QRSL1: variants seen among roughly 807,000 people sequenced by gnomAD.
QRSL1 encodes glutaminyl-tRNA amidotransferase subunit QRSL1, also known as glutamyl-tRNA(Gln) amidotransferase subunit A, mitochondrial.
QRSL1 carries 54 observed loss-of-function variants against 61.6 expected under a neutral mutation model. That is an observed-to-expected ratio of 0.88 (90% CI 0.70 to 1.10). The LOEUF is 1.10. Among genes scored for constraint, QRSL1 ranks in the 50% least tolerant of loss-of-function variants. QRSL1 has a pLI of 0.00. For synonymous variants in QRSL1, 228 were observed against 225.7 expected, an observed-to-expected ratio of 1.01 and a Z score of -0.09; for missense variants, 505 against 622.6, an observed-to-expected ratio of 0.81 and a Z score of 2.01.
chr6:106,649,157 C>T lies in QRSL1; in HGVS notation c.513C>T (p.Ser171=), dbSNP rs1475938777. 2.5e-6 allele frequency: 4 copies of T among 1,614,044 alleles called. No individual in the cohort carries two copies. The African/African-American group carries it at 5.3e-5, about 22-fold the overall frequency. Residue 171 remains serine (S), a synonymous_variant, in exon 5 of 11, where the codon AGC becomes AGT. Coordinates refer to ENST00000369046, the MANE Select transcript of QRSL1 (RefSeq NM_018292.5). ...CAGACTGGCTGATAACTGGAGGAAG[C>T]TCAGGTGGGAGTGCAGCTGCTGTAT... ...EDSDWLITGG[S]SGGSAAAVSA...
chr6:106,665,848 T>C lies in QRSL1; in HGVS notation c.1433T>C (p.Ile478Thr). The C allele has an allele frequency of 1.2e-6, 2 of 1,613,986 alleles. No individual in the cohort carries two copies. The highest frequency in any genetic ancestry group is 1.7e-6 in the Non-Finnish European group (2 of 1,179,864). Residue 478 changes from isoleucine to threonine, a missense_variant, in exon 11 of 11, where the codon ATT (isoleucine) becomes ACT (threonine). Coordinates refer to ENST00000369046, the MANE Select transcript of QRSL1 (RefSeq NM_018292.5). ...GGGTTGCCAATAGGACTGCAGTTTA[T>C]TGGACGTGCGTTTTGTGACCAGCAG... ...NQGLPIGLQF[I>T]GRAFCDQQLL...
At chr6:106,654,694 C>G (rs1169064334) in intron 7 of QRSL1, 36 bp from the exon 8 acceptor site, 2 of 1,541,748 alleles carry the variant, frequency 1.3e-6, no homozygotes, top group Admixed American at 1.9e-5. Context: ...ATAATCTATA[C>G]AGTTCCAATT....
intron 1 of QRSL1, 54 bp from the exon 2 acceptor site, chr6:106,640,295 C>CAA: frequency 7.7e-7 from 1 of 1,295,572 alleles, no homozygotes; most frequent in Non-Finnish European, 1.1e-6. Flanking sequence ...ACCAATATAA[C>CAA]AATTGAAACT....
At chr6:106,650,240 C>A (rs1371865957) in intron 5 of QRSL1, among the ~76,000 whole-genome samples, 1 of 152,120 alleles carries the variant, frequency 6.6e-6, no homozygotes, top group African/African-American at 2.4e-5. Flanking sequence ...CACATAATTC[C>A]TATGGAAATG....
intron 4 of QRSL1, among the ~76,000 whole-genome samples, chr6:106,643,409 C>T (rs1398952070): frequency 1.3e-5 from 2 of 152,054 alleles, no homozygotes; most frequent in Non-Finnish European, 2.9e-5. Flanking sequence ...AGAATCCTTT[C>T]TGGCTCATGA....
At chr6:106,644,138 C>G (rs548561125) in intron 4 of QRSL1, among the ~76,000 whole-genome samples, 1 of 152,204 alleles carries the variant, frequency 6.6e-6, no homozygotes, top group South Asian at 2.1e-4. Flanking sequence ...TCTCAAAGTG[C>G]TGGGATTACA....
chr6:106,639,534 C>T (rs889613298), intron 1 of QRSL1, among the ~76,000 whole-genome samples: 3 of 152,200 alleles, frequency 2.0e-5, no homozygotes, highest in Non-Finnish European at 4.4e-5. Context: ...CTCCTTTTCT[C>T]TCAGCTCCCA....
Position 106,666,081 on chromosome 6 carries a change from A to G in QRSL1, c.*79A>G. 1 of 1,113,128 alleles carries G rather than the reference A, an allele frequency of 9.0e-7. No homozygotes were observed. 69.0% of individuals were successfully genotyped at this position (1,113,128 alleles called of 1,614,324 possible). A position where few individuals can be genotyped will look rare whatever the true frequency, so the allele number is the denominator to read the frequency against. ...GTAATCCCAGCACTTTGGGAGGCCA[A>G]GGCGAGCGGATCATGAGGTCAGAAG... On this transcript the variant is annotated 3_prime_UTR_variant, in exon 11 of 11. Coordinates refer to ENST00000369046, the MANE Select transcript of QRSL1 (RefSeq NM_018292.5).
At chr6:106,649,279 A>T in intron 5 of QRSL1, 78 bp downstream of exon 5, 5 of 1,428,984 alleles carry the variant, frequency 3.5e-6, no homozygotes, top group Non-Finnish European at 4.8e-6. Flanking sequence ...GCAATAGAGT[A>T]GTTCATATCC....
At chr6:106,654,179 C>G (rs1351004363) in intron 7 of QRSL1, among the ~76,000 whole-genome samples, 1 of 152,042 alleles carries the variant, frequency 6.6e-6, no homozygotes, top group African/African-American at 2.4e-5. Flanking sequence ...AACCCCGTCT[C>G]TACTAAAAAA....
chr6:106,666,166 G>C lies in QRSL1; in HGVS notation c.*164G>C, dbSNP rs1292570051. On this transcript the variant is annotated 3_prime_UTR_variant, in exon 11 of 11. Coordinates refer to ENST00000369046, the MANE Select transcript of QRSL1 (RefSeq NM_018292.5). ...GTCTCTACTAAAAATACAAAAATTA[G>C]CCAGGCTTAGTGGCGGGCATCTGTA... 8.1e-6 allele frequency: 5 copies of C among 614,720 alleles called. No individual in the cohort carries two copies. Among genetic ancestry groups the C allele is most frequent in the Non-Finnish European group, 1.4e-5 (5 of 355,296 alleles). The allele number at this position is 614,720 out of a possible 1,614,324, so 38.1% of individuals were successfully genotyped here.
chr6:106,655,796 G>A (rs1777260224), intron 9 of QRSL1, 64 bp downstream of exon 9: 1 of 989,758 alleles, frequency 1.0e-6, no homozygotes, highest in South Asian at 1.3e-5. Context: ...TCTCTTATCA[G>A]GTCTTATAAG....
chr6:106,660,464 A>T (rs1777339737), intron 9 of QRSL1, among the ~76,000 whole-genome samples: 1 of 151,682 alleles, frequency 6.6e-6, no homozygotes, highest in African/African-American at 2.4e-5. Flanking sequence ...GAGGGACCAC[A>T]CCTGGCCTGG....
chr6:106,639,627 TAGTAAGTA>T (rs1776986115), intron 1 of QRSL1, among the ~76,000 whole-genome samples: 1 of 152,204 alleles, frequency 6.6e-6, no homozygotes, highest in Non-Finnish European at 1.5e-5. Flanking sequence ...TTTATCTGAT[TAGTAAGTA>T]CATGTTATTA....
chr6:106,649,063 A>G lies in QRSL1; in HGVS notation c.419A>G (p.Asn140Ser). ...STDGVFGPVK[N>S]PWSYSKQYRE... ...GATGGTGTATTTGGACCAGTTAAAA[A>G]CCCCTGGAGTTATTCAAAACAATAT... Residue 140 changes from asparagine (N) to serine (S), a missense_variant, in exon 5 of 11, where the codon AAC (asparagine) becomes AGC (serine). Coordinates refer to ENST00000369046, the MANE Select transcript of QRSL1 (RefSeq NM_018292.5). The G allele has an allele frequency of 6.2e-7, 1 of 1,612,492 alleles. No individual in the cohort carries two copies. The highest frequency in any genetic ancestry group is 1.1e-5 in the South Asian group (1 of 90,762).
chr6:106,629,778 TG>T, intron 1 of QRSL1, 73 bp downstream of exon 1: 1 of 1,549,374 alleles, frequency 6.5e-7, no homozygotes, highest in South Asian at 1.2e-5. Context: ...AAAGAGTCCC[TG>T]GGCCTTACCA....
chr6:106,635,971 A>G (rs1394974743), intron 1 of QRSL1, among the ~76,000 whole-genome samples: 1 of 152,226 alleles, frequency 6.6e-6, no homozygotes, highest in Non-Finnish European at 1.5e-5. Context: ...ATAAATGCCA[A>G]AATGTCTTGC....
Position 106,643,047 on chromosome 6 carries a change from G to C in QRSL1, c.337G>C (p.Ala113Pro), listed in dbSNP as rs773085421. ...TVVQKLLDQG[A>P]LLMGKTNLDE... ...AGTTCAGAAGTTGTTGGATCAGGGA[G>C]CTCTACTAATGGGAAAAACAAATTT... The change falls in exon 4 of 11, where the codon GCT becomes CCT. Residue 113 changes from alanine to proline, a missense_variant. Coordinates refer to ENST00000369046, the MANE Select transcript of QRSL1 (RefSeq NM_018292.5). 1.9e-6 allele frequency: 3 copies of C among 1,613,376 alleles called. No homozygotes were observed. The highest frequency in any genetic ancestry group is 2.5e-6 in the Non-Finnish European group (3 of 1,179,608).
At chr6:106,648,529 A>T (rs545354464) in intron 4 of QRSL1, among the ~76,000 whole-genome samples, 1 of 152,308 alleles carries the variant, frequency 6.6e-6, no homozygotes, top group African/African-American at 2.4e-5. Context: ...AGTAAAGCAA[A>T]GGGATAAAAT....
Sources: gnomAD v4.1 joint callset for allele counts (sites outside exome capture counted in the v4.1 genomes callset) on GRCh38, gnomAD v4.1.1 for gene constraint, MANE v1.5 for transcripts, NCBI Gene and HGNC (gene_info 2026-07-23, HGNC 2026-07-21) for gene names.